Variants in UNC13C observed in about 807,000 individuals in gnomAD.
The protein encoded by UNC13C is protein unc-13 homolog C.
Under a neutral mutation model 245.4 loss-of-function variants are expected in UNC13C, and 174 were observed. That is an observed-to-expected ratio of 0.71 (90% CI 0.63 to 0.80). The LOEUF is 0.80. UNC13C is among the 30% of genes least tolerant of loss of function. The probability of loss-of-function intolerance (pLI) is 0.00; values close to 1 mark genes in which losing one functional copy is unlikely to be tolerated. For synonymous variants in UNC13C, 992 were observed against 895.1 expected (o/e 1.11, Z -1.93); for missense variants, 2,829 against 2,602.9 (o/e 1.09, Z -1.89).
intron 2 of UNC13C, among the ~76,000 whole-genome samples, chr15:54,025,106 A>G (rs937170938): frequency 2.0e-5 from 3 of 152,154 alleles, no homozygotes; most frequent in Non-Finnish European, 4.4e-5. Flanking sequence ...GCAATGCCAA[A>G]AGGTCCCAAG....
intron 2 of UNC13C, among the ~76,000 whole-genome samples, chr15:54,056,206 C>A (rs1897513037): frequency 6.6e-6 from 1 of 152,000 alleles, no homozygotes; most frequent in South Asian, 2.1e-4. Flanking sequence ...AAGTTAAAAA[C>A]TTTGAAAAAA....
chr15:54,628,941 C>T (rs1043804978), downstream of UNC13C: 2 of 150,324 alleles, frequency 1.3e-5, no homozygotes, highest in African/African-American at 5.0e-5. Context: ...AGTACACAGC[C>T]AAAGGAATAT....
intron 4 of UNC13C, among the ~76,000 whole-genome samples, chr15:54,149,876 G>A (rs1321352042): frequency 6.6e-6 from 1 of 152,198 alleles, no homozygotes; most frequent in Admixed American, 6.5e-5. Context: ...CATTTACATT[G>A]TATTTGGTCA....
intron 26 of UNC13C, among the ~76,000 whole-genome samples, chr15:54,533,567 T>C (rs1477485971): frequency 6.6e-6 from 1 of 152,226 alleles, no homozygotes; most frequent in Non-Finnish European, 1.5e-5. Flanking sequence ...TATCAAACCA[T>C]ATTTTACACA....
intron 19 of UNC13C, among the ~76,000 whole-genome samples, chr15:54,448,984 C>T (rs535901966): frequency 5.3e-5 from 8 of 152,216 alleles, no homozygotes; most frequent in Admixed American, 2.6e-4. Flanking sequence ...TGACAAAATC[C>T]CTCAGCATTT....
chr15:54,197,273 T>C (rs527481708), intron 4 of UNC13C, among the ~76,000 whole-genome samples: 20 of 152,036 alleles, frequency 1.3e-4, no homozygotes, highest in Admixed American at 1.3e-3. Context: ...GGTCAGGAGA[T>C]CGAGACCAGC....
chr15:54,484,607 C>T (rs1389667808), intron 19 of UNC13C, among the ~76,000 whole-genome samples: 1 of 152,160 alleles, frequency 6.6e-6, no homozygotes, highest in Admixed American at 6.5e-5. Flanking sequence ...AAAATATAAA[C>T]TAAGTGAACA....
chr15:54,607,878 T>C (rs1388707421), intron 30 of UNC13C, among the ~76,000 whole-genome samples: 1 of 152,106 alleles, frequency 6.6e-6, no homozygotes, highest in Non-Finnish European at 1.5e-5. Context: ...CCCCCAACAC[T>C]GGGGATTACA....
chr15:54,255,215 G>T (rs2036249634), intron 8 of UNC13C, among the ~76,000 whole-genome samples: 1 of 152,130 alleles, frequency 6.6e-6, no homozygotes, highest in African/African-American at 2.4e-5. Flanking sequence ...CTCCCTTATC[G>T]CAAGGACAGA....
intron 4 of UNC13C, among the ~76,000 whole-genome samples, chr15:54,152,533 T>A (rs2032566015): frequency 6.6e-6 from 1 of 152,178 alleles, no homozygotes; most frequent in African/African-American, 2.4e-5. Flanking sequence ...TCAAGCTTAA[T>A]CTTCTAATGC....
intron 2 of UNC13C, chr15:54,048,515 A>C: frequency 1.7e-6 from 1 of 573,626 alleles, no homozygotes; most frequent in Non-Finnish European, 3.4e-6. Flanking sequence ...ACTAAACCTT[A>C]GTATGTGGGC....
At chr15:53,856,827 T>C in the UNC13C span, among the ~76,000 whole-genome samples, 1 of 152,226 alleles carries the variant, frequency 6.6e-6, no homozygotes, top group Non-Finnish European at 1.5e-5. Context: ...AGGTCCTGAA[T>C]ATCTTTGGCA....
intron 4 of UNC13C, among the ~76,000 whole-genome samples, chr15:54,188,686 T>A (rs1038886391): frequency 6.6e-6 from 1 of 152,212 alleles, no homozygotes; most frequent in Non-Finnish European, 1.5e-5. Context: ...CCTTATTTGT[T>A]AAGCATCTGT....
chr15:53,875,719 T>A, the UNC13C span, among the ~76,000 whole-genome samples: 1 of 152,198 alleles, frequency 6.6e-6, no homozygotes, highest in Non-Finnish European at 1.5e-5. Flanking sequence ...AGTTATAATA[T>A]AATTCTGCAA....
chr15:54,299,487 T>A (rs1483806010), intron 12 of UNC13C, among the ~76,000 whole-genome samples: 1 of 152,152 alleles, frequency 6.6e-6, no homozygotes, highest in Non-Finnish European at 1.5e-5. Context: ...TTACTCAGAA[T>A]GCCTGAATGC....
intron 7 of UNC13C, among the ~76,000 whole-genome samples, chr15:54,240,971 C>T (rs941233612): frequency 3.3e-5 from 5 of 152,066 alleles, no homozygotes; most frequent in Non-Finnish European, 7.4e-5. Context: ...AATAAAGTAG[C>T]GAACAACTCA....
At chr15:54,203,118 C>G (rs961859584) in intron 4 of UNC13C, among the ~76,000 whole-genome samples, 3 of 151,870 alleles carry the variant, frequency 2.0e-5, no homozygotes, top group Non-Finnish European at 4.4e-5. Flanking sequence ...AAATCAAAAC[C>G]ATAATGCAAT....
intron 2 of UNC13C, among the ~76,000 whole-genome samples, chr15:54,139,596 A>G (rs1489790347): frequency 1.3e-5 from 2 of 152,238 alleles, no homozygotes; most frequent in African/African-American, 4.8e-5. Context: ...GATTAATAAT[A>G]TTCTCAACAG....
chr15:54,587,400 C>T (rs1898549956), intron 30 of UNC13C, among the ~76,000 whole-genome samples: 1 of 152,186 alleles, frequency 6.6e-6, no homozygotes, highest in Admixed American at 6.5e-5. Flanking sequence ...CATGTCTTCC[C>T]AGTTTTTAAA....
Sources: gnomAD v4.1 joint callset for allele counts (sites outside exome capture counted in the v4.1 genomes callset) on GRCh38, gnomAD v4.1.1 for gene constraint, MANE v1.5 for transcripts, NCBI Gene and HGNC (gene_info 2026-07-23, HGNC 2026-07-21) for gene names.